The following ERMP1 variants were observed in gnomAD, a reference collection of about 807,000 sequenced individuals.
ERMP1 encodes Felix-ina.
ERMP1 carries 86 observed loss-of-function variants against 92.0 expected under a neutral mutation model. The observed-to-expected ratio is 0.93, with a 90% CI of 0.79 to 1.12. ERMP1 has a LOEUF of 1.12. ERMP1 is among the 50% of genes most tolerant of loss of function. The pLI is 0.00. For synonymous variants in ERMP1, 530 were observed against 412.8 expected, an observed-to-expected ratio of 1.28 and a Z score of -3.44; for missense variants, 1,342 against 1,116.3, an observed-to-expected ratio of 1.20 and a Z score of -2.88.
chr9:5,787,163 T>C lies in ERMP1; in HGVS notation c.2696A>G (p.Tyr899Cys). The C allele has an allele frequency of 1.2e-6, 2 of 1,613,752 alleles. No individual in the cohort carries two copies. Among genetic ancestry groups the C allele is most frequent in the Non-Finnish European group, 8.5e-7 (1 of 1,179,812 alleles). Residue 899 changes from tyrosine to cysteine, a missense_variant, in exon 15 of 15, where the codon TAC becomes TGC. By Grantham distance (194) the Tyr-to-Cys change is radical (BLOSUM62 -2). Coordinates refer to ENST00000339450, the MANE Select transcript of ERMP1 (RefSeq NM_024896.3). ...ACAAGATTAAAATACAAAGAGATCG[T>C]AGGTGCACACCCAGGCAGAGGGAAA... is the stretch of plus-strand genomic sequence containing the variant. Reference protein sequence around the residue: ...WTFPSAWVCTYDLFVF With the variant: ...WTFPSAWVCTCDLFVF
intron 8 of ERMP1, among the ~76,000 whole-genome samples, chr9:5,806,757 AT>A (rs1161583116): frequency 6.6e-6 from 1 of 152,164 alleles, no homozygotes; most frequent in African/African-American, 2.4e-5. Flanking sequence ...AACTTAATAC[AT>A]TTTAACATCT....
intron 6 of ERMP1, among the ~76,000 whole-genome samples, chr9:5,839,182 T>C (rs762400400): frequency 6.6e-6 from 1 of 152,252 alleles, no homozygotes; most frequent in African/African-American, 2.4e-5. Context: ...AGGGTCAAGA[T>C]TCAGTAATTA....
At chr9:5,813,321 A>T (rs1394193520) in intron 4 of ERMP1, among the ~76,000 whole-genome samples, 1 of 152,224 alleles carries the variant, frequency 6.6e-6, no homozygotes, top group Non-Finnish European at 1.5e-5. Context: ...AATGCCTATT[A>T]TCAATTGTAT....
intron 4 of ERMP1, among the ~76,000 whole-genome samples, chr9:5,819,801 T>C (rs1829461254): frequency 6.6e-6 from 1 of 152,156 alleles, no homozygotes; most frequent in South Asian, 2.1e-4. Flanking sequence ...ATTACATTTA[T>C]ATGAAATGTC....
intron 6 of ERMP1, chr9:5,856,576 T>A (rs1314878610): frequency 6.3e-6 from 1 of 157,652 alleles, no homozygotes; most frequent in East Asian, 1.9e-4. Flanking sequence ...GAGAGACTTT[T>A]AAGACAACCC....
At chr9:5,839,226 G>A (rs181456368) in intron 6 of ERMP1, among the ~76,000 whole-genome samples, 1 of 152,144 alleles carries the variant, frequency 6.6e-6, no homozygotes, top group Non-Finnish European at 1.5e-5. Context: ...AAAACTGAGA[G>A]AATTTTCACT....
chr9:5,787,231 G>A lies in ERMP1; in HGVS notation c.2628C>T (p.Ser876=), dbSNP rs1827978981. 3 of 1,614,024 alleles carry A rather than the reference G, an allele frequency of 1.9e-6. No homozygotes were observed. Among genetic ancestry groups the A allele is most frequent in the Admixed American group, 1.7e-5 (1 of 60,012 alleles). ...TTTCCTTCAGAGCATCCAGTTGAGG[G>A]GATCTCTTGTCTTCCCCAGACAGAT... ...AHYLSGEDKR[S]PQLDALKEKF... is the part of the protein sequence containing the mutation. Residue 876 remains serine (S), a synonymous_variant, in exon 15 of 15, where the codon TCC becomes TCT. Coordinates refer to ENST00000339450, the MANE Select transcript of ERMP1 (RefSeq NM_024896.3).
chr9:5,831,554 C>T (rs567886214), intron 1 of ERMP1, among the ~76,000 whole-genome samples: 14 of 152,152 alleles, frequency 9.2e-5, no homozygotes, highest in Non-Finnish European at 1.5e-4. Context: ...GCTACAGACC[C>T]GAGATGGAGC....
intron 8 of ERMP1, among the ~76,000 whole-genome samples, chr9:5,809,242 G>C (rs536870854): frequency 1.1e-3 from 173 of 151,990 alleles, no homozygotes; most frequent in Non-Finnish European, 2.1e-3. Context: ...GGATGGTCTC[G>C]ATCTCCTGAC....
chr9:5,837,961 G>A (rs1276092146), upstream of ERMP1, among the ~76,000 whole-genome samples: 1 of 151,966 alleles, frequency 6.6e-6, no homozygotes, highest in African/African-American at 2.4e-5. Context: ...GCTGAGTGTG[G>A]TGGCATGCAC....
chr9:5,825,490 G>A, intron 2 of ERMP1, among the ~76,000 whole-genome samples: 1 of 152,178 alleles, frequency 6.6e-6, no homozygotes. Flanking sequence ...GCTAAATGAA[G>A]TAACCTGAGG....
At chr9:5,851,750 C>G (rs987794169) in intron 6 of ERMP1, among the ~76,000 whole-genome samples, 1 of 152,148 alleles carries the variant, frequency 6.6e-6, no homozygotes, top group African/African-American at 2.4e-5. Context: ...TGTGAGTCAC[C>G]TTTCCCCTTC....
chr9:5,811,448 A>G, intron 6 of ERMP1, 125 bp from the exon 7 acceptor site: 5 of 695,858 alleles, frequency 7.2e-6, no homozygotes, highest in Non-Finnish European at 1.2e-5. Context: ...TTGAATGAAG[A>G]AATGGTTAGA....
At position 5,860,634 on chromosome 9, in the gene ERMP1, T is replaced by TGG. The variant is rs139961611; in HGVS notation, n.3056-1024_3056-1023insCC. Reference sequence around the variant, plus strand: ...ACAATTTTTTTTTTTTTTGTAGAGATCGGGGGGTCTCACTCTGTTGCCCAG... The same window carrying TGG: ...ACAATTTTTTTTTTTTTTGTAGAGATGGCGGGGGGTCTCACTCTGTTGCCCAG... On this transcript the variant is annotated intron_variant and non_coding_transcript_variant, in intron 5 of 6. Coordinates refer to the ERMP1 transcript ENST00000690753. 2.4e-3 allele frequency among the ~76,000 whole-genome samples: 357 copies of TGG among 148,204 alleles called. 4 individuals are homozygous for TGG. Among genetic ancestry groups the TGG allele is most frequent in the South Asian group, 7.5e-3 (35 of 4,694 alleles).
At position 5,812,897 on chromosome 9, in the gene ERMP1, T is replaced by C. The variant is rs142052069; in HGVS notation, c.1013A>G (p.Asn338Ser). The change falls in exon 5 of 15, where the codon AAC (asparagine) becomes AGC (serine). Residue 338 changes from asparagine to serine, a missense_variant. Transcript: ENST00000339450. ...AACCATTGACAATATACCTGGAATG[T>C]TCCCAAAATCCCTGTAGATACGAAA... Reference protein sequence around the residue: ...TDFRIYRDFGNIPGIDLAFIE... With the variant: ...TDFRIYRDFGSIPGIDLAFIE... The C allele has an allele frequency of 1.2e-6, 2 of 1,613,996 alleles. No homozygotes were observed. The highest frequency in any genetic ancestry group is 3.3e-5 in the Admixed American group (2 of 60,016).
intron 10 of ERMP1, among the ~76,000 whole-genome samples, chr9:5,802,886 C>G (rs1466498882): frequency 6.6e-6 from 1 of 152,032 alleles, no homozygotes; most frequent in South Asian, 2.1e-4. Context: ...TATTTTGCAC[C>G]CATCTCAGAA....
intron 6 of ERMP1, among the ~76,000 whole-genome samples, chr9:5,850,491 G>GGAGGGA (rs1830296705): frequency 6.6e-6 from 1 of 151,590 alleles, no homozygotes; most frequent in Non-Finnish European, 1.5e-5. Flanking sequence ...GGGGGAATTG[G>GGAGGGA]GAGGGAGCAT....
At chr9:5,788,364 A>G (rs1381392525) in intron 13 of ERMP1, among the ~76,000 whole-genome samples, 2 of 152,206 alleles carry the variant, frequency 1.3e-5, no homozygotes, top group Non-Finnish European at 2.9e-5. Context: ...AGGGACTTAA[A>G]AGTATATTAT....
At chr9:5,859,739 A>T (rs780331585) in intron 5 of ERMP1, among the ~76,000 whole-genome samples, 1 of 152,236 alleles carries the variant, frequency 6.6e-6, no homozygotes, top group Non-Finnish European at 1.5e-5. Flanking sequence ...TAATTCCCTT[A>T]CAAGTAAGGC....
Sources: gnomAD v4.1 joint callset for allele counts (sites outside exome capture counted in the v4.1 genomes callset) on GRCh38, gnomAD v4.1.1 for gene constraint, MANE v1.5 for transcripts, NCBI Gene and HGNC (gene_info 2026-07-23, HGNC 2026-07-21) for gene names.